ZNF274: variants seen among roughly 807,000 people sequenced by gnomAD.
The protein encoded by ZNF274 is zinc finger protein 274, also known as neurotrophin receptor-interacting factor homolog.
In ZNF274, 23 loss-of-function variants were observed where a neutral mutation model predicts 42.5. The observed-to-expected ratio is 0.54, with a 90% CI of 0.39 to 0.77. The LOEUF is 0.77. Among genes scored for constraint, ZNF274 ranks in the 30% least tolerant of loss-of-function variants. ZNF274 has a pLI of 0.00. For synonymous variants in ZNF274, 292 were observed against 305.4 expected, an observed-to-expected ratio of 0.96 and a Z score of 0.46; for missense variants, 679 against 806.5, an observed-to-expected ratio of 0.84 and a Z score of 1.91.
rs186999356 is a variant in ZNF274 at position 58,210,510 on chromosome 19, G to A, written c.852+437G>A. ...GGGTGAAAAAGATTGGTCCTGATGC[G>A]CTGACCACTGGGGTAGTGGTATGTA... On this transcript the variant is annotated intron_variant, in intron 6 of 7. Transcript: ENST00000617501. The A allele has an allele frequency of 1.0e-3, 165 of 164,050 alleles. 2 individuals are homozygous for A. In the Middle Eastern group the frequency reaches 0.015, roughly 15 times the overall value. The allele number at this position is 164,050 out of a possible 1,614,324, so 10.2% of individuals were successfully genotyped here.
intron 4 of ZNF274, among the ~76,000 whole-genome samples, chr19:58,188,775 A>G (rs896382625): frequency 6.9e-6 from 1 of 144,480 alleles, no homozygotes; most frequent in African/African-American, 2.6e-5. Flanking sequence ...TAATCCCAGC[A>G]ATTTGGGAGT....
intron 4 of ZNF274, among the ~76,000 whole-genome samples, chr19:58,203,149 G>A (rs1035093652): frequency 6.6e-6 from 1 of 152,112 alleles, no homozygotes; most frequent in Non-Finnish European, 1.5e-5. Flanking sequence ...GTGGCCCAGT[G>A]CTGGTCTGCC....
Position 58,183,381 on chromosome 19 carries a change from G to A in ZNF274, c.-107G>A, listed in dbSNP as rs1306697160. 6.6e-6 allele frequency: 1 copy of A among 152,320 alleles called. No homozygotes were observed. Among genetic ancestry groups the A allele is most frequent in the Non-Finnish European group, 1.5e-5 (1 of 68,050 alleles). 9.4% of individuals were successfully genotyped at this position (152,320 alleles called of 1,614,324 possible). On this transcript the variant is annotated 5_prime_UTR_variant, in exon 1 of 8. Coordinates refer to ENST00000617501, the MANE Select transcript of ZNF274 (RefSeq NM_133502.3). ...CGGGGGCGTCTGGGAGTTGTAGTTC[G>A]GGACGGCGGGCTGACGCACTTCGCC... is the stretch of plus-strand genomic sequence containing the variant.
intron 4 of ZNF274, among the ~76,000 whole-genome samples, chr19:58,191,241 G>A (rs2075775445): frequency 1.3e-5 from 2 of 152,206 alleles, no homozygotes; most frequent in African/African-American, 4.8e-5. Flanking sequence ...AGGTTCAAGT[G>A]ATTCTCCTGC....
At chr19:58,187,430 T>C (rs193111185) in intron 4 of ZNF274, among the ~76,000 whole-genome samples, 46 of 152,306 alleles carry the variant, frequency 3.0e-4, no homozygotes, top group Admixed American at 1.4e-3. Context: ...ACAAGTCAGC[T>C]TCTTTTTGTT....
intron 2 of ZNF274, chr19:58,184,244 C>G (rs2075668358): frequency 5.9e-6 from 3 of 510,464 alleles, no homozygotes; most frequent in African/African-American, 3.9e-5. Flanking sequence ...AAGGCTCTTG[C>G]TTGTATCCTT....
intron 2 of ZNF274, chr19:58,184,823 A>G (rs2075676618): frequency 6.6e-6 from 1 of 152,218 alleles, no homozygotes; most frequent in Non-Finnish European, 1.5e-5. Context: ...TTTCAAATGA[A>G]TAAGAAATAG....
At chr19:58,206,541 G>A (rs1394401589) in intron 4 of ZNF274, among the ~76,000 whole-genome samples, 179 bp from the exon 5 acceptor site, 1 of 152,216 alleles carries the variant, frequency 6.6e-6, no homozygotes, top group African/African-American at 2.4e-5. Flanking sequence ...AACAGTGTGT[G>A]AGCATTCTAG....
At chr19:58,201,163 C>G (rs2075905700) in intron 4 of ZNF274, among the ~76,000 whole-genome samples, 2 of 148,428 alleles carry the variant, frequency 1.3e-5, no homozygotes, top group African/African-American at 5.0e-5. Context: ...TGCCGCTACG[C>G]CTGGCTAATT....
chr19:58,204,294 TG>T (rs1347468935), intron 4 of ZNF274, among the ~76,000 whole-genome samples: 9 of 151,994 alleles, frequency 5.9e-5, no homozygotes, highest in Non-Finnish European at 1.2e-4. Context: ...CGGAGGCTGC[TG>T]GGAGCTGTAG....
At chr19:58,209,217 A>C (rs911451181) in intron 5 of ZNF274, 1 of 152,242 alleles carries the variant, frequency 6.6e-6, no homozygotes, top group East Asian at 1.9e-4. Context: ...AAATGTTCCA[A>C]CTAAGGCCTT....
intron 4 of ZNF274, 35 bp from the exon 5 acceptor site, chr19:58,206,682 CTTG>C (rs2075981349): frequency 6.6e-7 from 1 of 1,515,862 alleles, no homozygotes; most frequent in Non-Finnish European, 8.9e-7. Context: ...TTTTCATGTG[CTTG>C]TTCTCATTTG....
At chr19:58,192,491 C>T (rs900236524) in intron 4 of ZNF274, among the ~76,000 whole-genome samples, 3 of 152,124 alleles carry the variant, frequency 2.0e-5, no homozygotes, top group Admixed American at 6.6e-5. Flanking sequence ...TAGGTGACTG[C>T]GTCTAACATA....
intron 2 of ZNF274, among the ~76,000 whole-genome samples, chr19:58,185,150 G>A (rs934409642): frequency 6.6e-6 from 1 of 150,478 alleles, no homozygotes; most frequent in African/African-American, 2.4e-5. Context: ...ATAGGGCCGG[G>A]TGCGGTGGCT....
chr19:58,198,061 G>T (rs1317580981), intron 4 of ZNF274, among the ~76,000 whole-genome samples: 17 of 152,056 alleles, frequency 1.1e-4, no homozygotes, highest in Admixed American at 1.0e-3. Flanking sequence ...AGACATTTTT[G>T]GGGGGAAAGA....
Position 58,212,278 on chromosome 19 carries a change from C to G in ZNF274, c.1097C>G (p.Thr366Arg), listed in dbSNP as rs1332556034. The G allele has an allele frequency of 6.2e-6, 10 of 1,613,876 alleles. No individual in the cohort carries two copies. The Admixed American group carries it at 1.2e-4, about 19-fold the overall frequency. ...TCAAGGGATTGTGCCTTGTCCTCTA[C>G]ATTAGAAGATACCTTGCAGGGTGGG... is the stretch of plus-strand genomic sequence containing the variant. ...ESSRDCALSS[T>R]LEDTLQGGVQ... is the part of the protein sequence containing the mutation. The change falls in exon 8 of 8, where the codon ACA becomes AGA. Residue 366 changes from threonine (T) to arginine (R), a missense_variant. By Grantham distance (71) the Thr-to-Arg change is moderately conservative. This residue lies in a region of ZNF274 where 456 missense variants were observed against 590.1 expected (regional missense o/e 0.77). Coordinates refer to ENST00000617501, the MANE Select transcript of ZNF274 (RefSeq NM_133502.3). This position sits in a 1 kb window ranked among gnomAD's most constrained non-coding sequence, Gnocchi z 4.6.
rs764736972 is a variant in ZNF274, at chr19:58,212,478, G to A, written c.1297G>A (p.Ala433Thr). Residue 433 changes from alanine to threonine, a missense_variant, in exon 8 of 8, where the codon GCT becomes ACT. Physicochemically the swap from Ala to Thr is moderately conservative, Grantham distance 58. This residue lies in a region of ZNF274 where 456 missense variants were observed against 590.1 expected (regional missense o/e 0.77). Transcript: ENST00000617501. The surrounding 1 kb of genome is among the most constrained non-coding windows in gnomAD (Gnocchi z 4.6). ...CCCTGAGTCCCAGGCAAACAGTGGC[G>A]CTCTTGACACAAACCAAGTTTTGCT... ...DNPESQANSGALDTNQVLLHK... is the reference protein window; with the variant it reads ...DNPESQANSGTLDTNQVLLHK... 1.5e-5 allele frequency: 25 copies of A among 1,613,790 alleles called. No homozygotes were observed. The highest frequency in any genetic ancestry group is 6.7e-5 in the East Asian group (3 of 44,886).
In ZNF274 at chr19:58,213,212, T is replaced by C; in HGVS notation, c.*69T>C. The C allele has an allele frequency of 2.0e-6, 3 of 1,522,308 alleles. No individual in the cohort carries two copies. The East Asian group carries it at 6.8e-5, about 34-fold the overall frequency. The allele number at this position is 1,522,308 out of a possible 1,614,324, so 94.3% of individuals were successfully genotyped here. The stretch of plus-strand genomic sequence containing the variant: ...TGCAATATAACATGCACAGGCCTGC[T>C]TGTGAATCAGGACTGAATGTGAAAG... On this transcript the variant is annotated 3_prime_UTR_variant, in exon 8 of 8. Transcript: ENST00000617501.
chr19:58,184,055 A>G, intron 2 of ZNF274, 57 bp downstream of exon 2: 2 of 1,552,932 alleles, frequency 1.3e-6, no homozygotes, highest in Non-Finnish European at 1.7e-6. Flanking sequence ...GAGGATGCGG[A>G]TGGTGGTGAG....
Sources: allele counts gnomAD v4.1 joint callset (sites outside exome capture counted in the v4.1 genomes callset), GRCh38; gene constraint gnomAD v4.1.1; regional missense constraint gnomAD v4.1.1; non-coding constraint Gnocchi (gnomAD v3.1); transcripts MANE v1.5; gene names NCBI Gene and HGNC (gene_info 2026-07-23, HGNC 2026-07-21).